Variants in C2orf76 observed in about 807,000 individuals in gnomAD.
C2orf76 encodes the protein chromosome 2 open reading frame 76.
In C2orf76, 23 loss-of-function variants were observed where a neutral mutation model predicts 16.9. That is an observed-to-expected ratio of 1.36 (90% CI 0.98 to 1.93). C2orf76 has a LOEUF of 1.93. Ranked by LOEUF, C2orf76 falls within the 30% of genes most tolerant of loss-of-function variation. The pLI, the probability that C2orf76 is intolerant of heterozygous loss-of-function variation, is 0.00. For missense variants in C2orf76, 152 were observed against 152.6 expected, an observed-to-expected ratio of 1.00 and a Z score of 0.02; for synonymous variants, 48 against 52.3, an observed-to-expected ratio of 0.92 and a Z score of 0.35.
At chr2:119,345,480 A>G (rs1680168205) in intron 1 of C2orf76, among the ~76,000 whole-genome samples, 5 of 152,200 alleles carry the variant, frequency 3.3e-5, no homozygotes, top group Admixed American at 2.6e-4. Flanking sequence ...ACCCTTTGAT[A>G]TGGCAATTTC....
At chr2:119,366,211 T>A in intron 1 of C2orf76, 1 of 349,346 alleles carries the variant, frequency 2.9e-6, no homozygotes, top group Non-Finnish European at 5.7e-6. Context: ...TGTTCACTGC[T>A]GTCTGCCAAG....
chr2:119,284,426 A>G, the C2orf76 span, among the ~76,000 whole-genome samples: 2 of 152,196 alleles, frequency 1.3e-5, no homozygotes, highest in Non-Finnish European at 2.9e-5. Context: ...ACTTCTCCAC[A>G]GCAGGTCTCT....
intron 2 of C2orf76, among the ~76,000 whole-genome samples, chr2:119,324,439 T>C (rs1004715123): frequency 7.2e-5 from 11 of 152,150 alleles, no homozygotes; most frequent in African/African-American, 2.7e-4. Context: ...AATTTATAAA[T>C]TCCTCGGGAT....
chr2:119,321,853 CAT>C (rs34104959), intron 2 of C2orf76, among the ~76,000 whole-genome samples: 12 of 149,174 alleles, frequency 8.0e-5, no homozygotes, highest in East Asian at 2.0e-4. Flanking sequence ...TTGTGTGAGA[CAT>C]ATATATATAT....
At chr2:119,365,203 TAGG>T (rs1407806283) in intron 1 of C2orf76, among the ~76,000 whole-genome samples, 1 of 152,210 alleles carries the variant, frequency 6.6e-6, no homozygotes, top group Non-Finnish European at 1.5e-5. Flanking sequence ...ACCTGCTGAC[TAGG>T]AGATGTATTT....
chr2:119,284,122 G>A, the C2orf76 span, among the ~76,000 whole-genome samples: 1 of 152,126 alleles, frequency 6.6e-6, no homozygotes, highest in Non-Finnish European at 1.5e-5. Flanking sequence ...CTGAGGAACT[G>A]AGCCTGAGAC....
chr2:119,353,058 G>T (rs989893195), intron 1 of C2orf76, among the ~76,000 whole-genome samples: 1 of 152,100 alleles, frequency 6.6e-6, no homozygotes, highest in Non-Finnish European at 1.5e-5. Context: ...AAATTGTTAA[G>T]AAGAAAATCA....
chr2:119,317,440 C>G lies in C2orf76; in HGVS notation c.222+26G>C, dbSNP rs375026221. 1,163 of 1,549,906 alleles carry G rather than the reference C, an allele frequency of 7.5e-4. 23 individuals carry two copies. In the South Asian group the frequency reaches 0.01, roughly 13 times the overall value. On this transcript the variant is annotated intron_variant, in intron 4 of 5. Coordinates refer to ENST00000334816, the MANE Select transcript of C2orf76 (RefSeq NM_001322331.2). Reference sequence around the variant, plus strand: ...ACCAACATTGATTACTTGCTATGTGCCAGATACTGTACCTGTGGAACATAC... The same window carrying G: ...ACCAACATTGATTACTTGCTATGTGGCAGATACTGTACCTGTGGAACATAC...
intron 1 of C2orf76, among the ~76,000 whole-genome samples, chr2:119,343,964 C>T (rs72829500): frequency 0.019 from 2,843 of 152,230 alleles, 36 homozygotes; most frequent in South Asian, 0.053. Flanking sequence ...AAGATAAATT[C>T]CCAGATGTAA....
At chr2:119,319,573 A>C (rs1679281295) in intron 3 of C2orf76, among the ~76,000 whole-genome samples, 1 of 152,236 alleles carries the variant, frequency 6.6e-6, no homozygotes, top group African/African-American at 2.4e-5. Flanking sequence ...TGAGCAGCCC[A>C]CACTGTACAA....
chr2:119,362,160 T>C (rs1402079552), intron 1 of C2orf76, among the ~76,000 whole-genome samples: 4 of 152,214 alleles, frequency 2.6e-5, no homozygotes, highest in African/African-American at 9.7e-5. Context: ...TAAATAATTT[T>C]CTCTTCCTTG....
At chr2:119,314,656 TTC>T (rs1051584222) in intron 4 of C2orf76, among the ~76,000 whole-genome samples, 2 of 152,316 alleles carry the variant, frequency 1.3e-5, no homozygotes, top group South Asian at 2.1e-4. Context: ...TTACTCTCAT[TTC>T]TCTTTTTCAA....
At chr2:119,322,237 C>T (rs12611554) in intron 2 of C2orf76, among the ~76,000 whole-genome samples, 3,169 of 152,184 alleles carry the variant, frequency 0.021, 76 homozygotes, top group East Asian at 0.13. Flanking sequence ...CACAGGGTCT[C>T]ATTTTGCTGC....
chr2:119,281,440 C>T, the C2orf76 span, among the ~76,000 whole-genome samples: 8 of 152,042 alleles, frequency 5.3e-5, no homozygotes, highest in East Asian at 9.7e-4. Flanking sequence ...CCAGGGTGGT[C>T]GAGGCTGCAG....
the C2orf76 span, among the ~76,000 whole-genome samples, chr2:119,282,446 C>G: frequency 1.3e-5 from 2 of 152,202 alleles, no homozygotes; most frequent in Non-Finnish European, 2.9e-5. Flanking sequence ...AGCCAACAGC[C>G]AGCTTGCTCC....
rs1890 is a variant in C2orf76, at chr2:119,302,412, T to C, written c.*60A>G. On this transcript the variant is annotated 3_prime_UTR_variant, in exon 6 of 6. Transcript: ENST00000334816. The stretch of plus-strand genomic sequence containing the variant: ...AAGATTTGTTTGTCAATTTCAAAAA[T>C]TCAGCAGTGGAATAAAGAGCTTAAT... 0.66 allele frequency: 423,152 copies of C among 645,600 alleles called. 142,164 individuals are homozygous for C. The highest frequency in any genetic ancestry group is 0.89 in the African/African-American group (46,391 of 52,400). The allele number at this position is 645,600 out of a possible 1,614,324, so 40.0% of individuals were successfully genotyped here.
intron 2 of C2orf76, among the ~76,000 whole-genome samples, chr2:119,327,644 A>ATGGCATGTTATG (rs1210685585): frequency 6.6e-6 from 1 of 151,852 alleles, no homozygotes; most frequent in African/African-American, 2.4e-5. Flanking sequence ...CCTCTCTCAT[A>ATGGCATGTTATG]TGGCATGCTA....
At chr2:119,347,329 G>T (rs1262764185) in intron 1 of C2orf76, among the ~76,000 whole-genome samples, 1 of 152,146 alleles carries the variant, frequency 6.6e-6, no homozygotes, top group African/African-American at 2.4e-5. Flanking sequence ...AGAGAGGAAG[G>T]CTATATATTA....
At chr2:119,345,228 G>T (rs554958395) in intron 1 of C2orf76, among the ~76,000 whole-genome samples, 4 of 152,290 alleles carry the variant, frequency 2.6e-5, no homozygotes, top group Admixed American at 2.6e-4. Flanking sequence ...CAGGCAACTG[G>T]CTAAACTTAA....
Sources: allele counts gnomAD v4.1 joint callset (sites outside exome capture counted in the v4.1 genomes callset), GRCh38; gene constraint gnomAD v4.1.1; transcripts MANE v1.5; gene names NCBI Gene and HGNC (gene_info 2026-07-23, HGNC 2026-07-21).